The following DLG2 variants were observed in gnomAD, a reference collection of about 807,000 sequenced individuals.
The protein encoded by DLG2 is disks large homolog 2.
DLG2 carries 45 observed loss-of-function variants against 132.5 expected under a neutral mutation model. That is an observed-to-expected ratio of 0.34 (90% CI 0.27 to 0.44). The LOEUF is 0.44. Ranked by LOEUF, DLG2 falls within the 20% of genes least tolerant of loss-of-function variation. The probability of loss-of-function intolerance (pLI) is 1.00; values close to 1 mark genes in which losing one functional copy is unlikely to be tolerated. For missense variants in DLG2, 1,045 were observed against 1,196.9 expected, an observed-to-expected ratio of 0.87 and a Z score of 1.87; for synonymous variants, 424 against 419.6, an observed-to-expected ratio of 1.01 and a Z score of -0.13.
At chr11:85,375,375 C>T (rs1189665490) in intron 3 of DLG2, among the ~76,000 whole-genome samples, 2 of 152,136 alleles carry the variant, frequency 1.3e-5, no homozygotes, top group Non-Finnish European at 2.9e-5. Flanking sequence ...ATCAAACACC[C>T]GAATCTAAAA....
chr11:84,800,094 T>G (rs1481520384), intron 6 of DLG2, among the ~76,000 whole-genome samples: 2 of 152,152 alleles, frequency 1.3e-5, no homozygotes, highest in Non-Finnish European at 2.9e-5. Flanking sequence ...GGTTTTACCC[T>G]AAGTTGAGTG....
rs1484328414 is a variant in DLG2, at chr11:83,615,417, T to C, written c.1940+17794A>G. ...TAATCGCTCTTGGCTTCCATCATCA[T>C]GGGTTCATTTTGCCTGTTCTTGAAT... On this transcript the variant is annotated intron_variant, in intron 19 of 27. Coordinates refer to ENST00000376104, the MANE Select transcript of DLG2 (RefSeq NM_001142699.3). Among the ~76,000 whole-genome samples, 3 of 152,236 alleles carry C rather than the reference T, an allele frequency of 2.0e-5. No homozygotes were observed. The East Asian group carries it at 5.8e-4, about 29-fold the overall frequency.
At chr11:85,028,773 A>C (rs1471093095) in intron 6 of DLG2, among the ~76,000 whole-genome samples, 1 of 152,126 alleles carries the variant, frequency 6.6e-6, no homozygotes, top group Non-Finnish European at 1.5e-5. Flanking sequence ...CCCTGAAAGC[A>C]CAGGGAAATC....
At chr11:83,878,957 T>C (rs1292417151) in intron 15 of DLG2, among the ~76,000 whole-genome samples, 2 of 152,202 alleles carry the variant, frequency 1.3e-5, no homozygotes, top group Non-Finnish European at 2.9e-5. Flanking sequence ...TGTCATTAAA[T>C]AAAATTGAGG....
At chr11:84,215,691 G>C (rs1331272233) in intron 8 of DLG2, among the ~76,000 whole-genome samples, 1 of 152,152 alleles carries the variant, frequency 6.6e-6, no homozygotes, top group Non-Finnish European at 1.5e-5. Flanking sequence ...GATACCTATA[G>C]AGGGTCCAGC....
At chr11:83,938,862 G>A (rs572389239) in intron 14 of DLG2, among the ~76,000 whole-genome samples, 1 of 152,196 alleles carries the variant, frequency 6.6e-6, no homozygotes, top group Non-Finnish European at 1.5e-5. Flanking sequence ...GATCTAAGGA[G>A]CTGGATCTCT....
At chr11:84,008,968 C>T (rs1400567796) in intron 11 of DLG2, among the ~76,000 whole-genome samples, 1 of 150,186 alleles carries the variant, frequency 6.7e-6, no homozygotes, top group Non-Finnish European at 1.5e-5. Flanking sequence ...GAGTGGGAAT[C>T]AAGCATGTAC....
chr11:84,754,966 A>G (rs1407989931), intron 6 of DLG2, among the ~76,000 whole-genome samples: 1 of 152,222 alleles, frequency 6.6e-6, no homozygotes, highest in Non-Finnish European at 1.5e-5. Context: ...AATAAAGTCC[A>G]AAAATGAATG....
chr11:84,139,744 C>A (rs535155604), intron 9 of DLG2, among the ~76,000 whole-genome samples: 5 of 151,756 alleles, frequency 3.3e-5, no homozygotes, highest in African/African-American at 1.2e-4. Context: ...AGGCCACACT[C>A]GAAACACTTT....
chr11:84,971,886 G>T (rs531215075), intron 6 of DLG2, among the ~76,000 whole-genome samples: 1 of 152,104 alleles, frequency 6.6e-6, no homozygotes, highest in South Asian at 2.1e-4. Flanking sequence ...ATGTAGGAGG[G>T]AATGTCTACT....
chr11:84,518,244 AC>A (rs1263520622), intron 7 of DLG2, among the ~76,000 whole-genome samples: 1 of 90,132 alleles, frequency 1.1e-5, no homozygotes, highest in African/African-American at 4.5e-5. Flanking sequence ...GATATCACAC[AC>A]TGATCTTTTT....
chr11:84,760,278 C>T (rs995453150), intron 6 of DLG2, among the ~76,000 whole-genome samples: 1 of 152,188 alleles, frequency 6.6e-6, no homozygotes, highest in African/African-American at 2.4e-5. Context: ...GCCAAGCAAA[C>T]TCACTGTTTT....
Position 83,509,479 on chromosome 11 carries a change from G to A in DLG2, c.2193+23229C>T, listed in dbSNP as rs146935180. On this transcript the variant is annotated intron_variant, in intron 21 of 27. Coordinates refer to ENST00000376104, the MANE Select transcript of DLG2 (RefSeq NM_001142699.3). ...TTACTTTCAGAAATGCAGTAGCTAC[G>A]TGCCTACTTCAGAAGACAAAATTCA... Among the ~76,000 whole-genome samples the A allele has an allele frequency of 3.0e-3, 458 of 152,150 alleles. 1 individual carries two copies. The highest frequency in any genetic ancestry group is 0.012 in the Admixed American group (183 of 15,264).
chr11:84,528,031 G>A (rs947352201), intron 7 of DLG2, among the ~76,000 whole-genome samples: 1 of 151,446 alleles, frequency 6.6e-6, no homozygotes, highest in Non-Finnish European at 1.5e-5. Context: ...ATAATAATAA[G>A]TAACAAATAA....
At chr11:84,863,026 C>T (rs2083996216) in intron 6 of DLG2, among the ~76,000 whole-genome samples, 4 of 151,994 alleles carry the variant, frequency 2.6e-5, no homozygotes. Flanking sequence ...ACTCTGCTTG[C>T]TATCCTTGTC....
intron 5 of DLG2, among the ~76,000 whole-genome samples, chr11:85,152,149 G>A (rs1302884143): frequency 6.6e-6 from 1 of 151,678 alleles, no homozygotes; most frequent in Non-Finnish European, 1.5e-5. Context: ...AAATAATTAA[G>A]AGCAATGCTG....
At chr11:83,961,635 A>G (rs1283767189) in intron 14 of DLG2, among the ~76,000 whole-genome samples, 2 of 152,040 alleles carry the variant, frequency 1.3e-5, no homozygotes, top group Admixed American at 1.3e-4. Context: ...GGGCTTGAAT[A>G]AATGTTAATT....
At chr11:85,577,904 T>C (rs896458524) in intron 3 of DLG2, among the ~76,000 whole-genome samples, 5 of 152,260 alleles carry the variant, frequency 3.3e-5, no homozygotes, top group East Asian at 1.9e-4. Flanking sequence ...AAAATTCATA[T>C]GGAACCAATA....
intron 6 of DLG2, among the ~76,000 whole-genome samples, chr11:84,895,327 G>T (rs909137933): frequency 1.3e-5 from 2 of 152,056 alleles, no homozygotes; most frequent in African/African-American, 4.8e-5. Flanking sequence ...TATGATACTA[G>T]GCACCTCAGC....
Sources: gnomAD v4.1 joint callset for allele counts (sites outside exome capture counted in the v4.1 genomes callset) on GRCh38, gnomAD v4.1.1 for gene constraint, MANE v1.5 for transcripts, NCBI Gene and HGNC (gene_info 2026-07-23, HGNC 2026-07-21) for gene names.